The following ADCY8 variants were observed in gnomAD, a reference collection of about 807,000 sequenced individuals.
ADCY8 encodes the protein adenylate cyclase 8, also known as adenylate cyclase type 8.
ADCY8 carries 51 observed loss-of-function variants against 119.7 expected under a neutral mutation model. The observed-to-expected ratio is 0.43, with a 90% CI of 0.34 to 0.54. ADCY8 has a LOEUF of 0.54. Ranked by LOEUF, ADCY8 falls within the 20% of genes least tolerant of loss-of-function variation. The pLI, the probability that ADCY8 is intolerant of heterozygous loss-of-function variation, is 0.03. For missense variants in ADCY8, 1,383 were observed against 1,598.8 expected (o/e 0.87, Z 2.30); for synonymous variants, 665 against 651.0 (o/e 1.02, Z -0.33).
At chr8:130,836,568 G>T in intron 11 of ADCY8, 119 bp from the exon 12 acceptor site, 2 of 1,091,034 alleles carry the variant, frequency 1.8e-6, no homozygotes, top group Non-Finnish European at 2.6e-6. Flanking sequence ...AGGTCTCAAG[G>T]CCTCCTGAAA....
intron 8 of ADCY8, among the ~76,000 whole-genome samples, chr8:130,882,802 CAGT>C (rs759268147): frequency 2.0e-5 from 3 of 152,066 alleles, no homozygotes; most frequent in Non-Finnish European, 4.4e-5. Context: ...CTCTGCTCAG[CAGT>C]AACACAGTCC....
chr8:130,981,049 A>C (rs911019319), intron 2 of ADCY8, among the ~76,000 whole-genome samples: 3 of 152,202 alleles, frequency 2.0e-5, no homozygotes, highest in Non-Finnish European at 2.9e-5. Flanking sequence ...AAATCTGTTC[A>C]TGATAAGCAA....
chr8:130,893,079 T>C (rs946995323), intron 7 of ADCY8, among the ~76,000 whole-genome samples: 1 of 152,188 alleles, frequency 6.6e-6, no homozygotes, highest in Non-Finnish European at 1.5e-5. Flanking sequence ...CACACTTGGG[T>C]CATTTTTATA....
In ADCY8 at chr8:130,943,450, T is replaced by C; in HGVS notation, c.1254A>G (p.Ala418=). The change falls in exon 4 of 18, where the codon GCA becomes GCG. Residue 418 remains alanine, a synonymous_variant. Coordinates refer to ENST00000286355, the MANE Select transcript of ADCY8 (RefSeq NM_001115.3). ...HRYENVSILF[A]DVKGFTNLST... is the part of the protein sequence containing the mutation. ...AGAGGTTGGTAAATCCTTTAACATCTGCAAAAAGAATACTAAACACAGGGA... is the reference window on the plus strand; with the variant it reads ...AGAGGTTGGTAAATCCTTTAACATCCGCAAAAAGAATACTAAACACAGGGA... 7.9e-7 allele frequency: 1 copy of C among 1,259,278 alleles called. No individual in the cohort carries two copies. Among genetic ancestry groups the C allele is most frequent in the Non-Finnish European group, 1.0e-6 (1 of 973,596 alleles). The allele number at this position is 1,259,278 out of a possible 1,614,324, so 78.0% of individuals were successfully genotyped here.
intron 13 of ADCY8, among the ~76,000 whole-genome samples, chr8:130,814,686 G>A (rs1361317540): frequency 1.3e-5 from 2 of 152,190 alleles, no homozygotes; most frequent in African/African-American, 2.4e-5. Flanking sequence ...ATGGCAGCAG[G>A]CAAGTGAGAG....
chr8:130,843,011 C>G (rs942490702), intron 11 of ADCY8, among the ~76,000 whole-genome samples: 1 of 151,990 alleles, frequency 6.6e-6, no homozygotes, highest in Non-Finnish European at 1.5e-5. Context: ...GGGTGCCAGA[C>G]ATTGTGTATT....
intron 1 of ADCY8, among the ~76,000 whole-genome samples, chr8:131,009,880 G>C (rs148712811): frequency 1.3e-5 from 2 of 152,200 alleles, no homozygotes; most frequent in Non-Finnish European, 2.9e-5. Flanking sequence ...AGGTAAAAAA[G>C]TGCCCAGAAT....
intron 8 of ADCY8, among the ~76,000 whole-genome samples, chr8:130,883,778 C>G (rs1818870748): frequency 1.3e-5 from 2 of 152,116 alleles, no homozygotes; most frequent in Admixed American, 1.3e-4. Context: ...GGTCGGCACC[C>G]CATCTGCCCA....
chr8:130,886,467 A>G (rs1190856487), intron 7 of ADCY8, among the ~76,000 whole-genome samples: 1 of 152,132 alleles, frequency 6.6e-6, no homozygotes, highest in Non-Finnish European at 1.5e-5. Context: ...ATTAAATGCT[A>G]TTAGTGCAGC....
intron 2 of ADCY8, among the ~76,000 whole-genome samples, chr8:130,961,423 C>CTTCATAAATCTA (rs1343858113): frequency 5.9e-5 from 9 of 151,886 alleles, no homozygotes; most frequent in African/African-American, 2.2e-4. Flanking sequence ...CTTCATAAAT[C>CTTCATAAATCTA]TTCATAAATC....
At chr8:131,034,691 G>C (rs67576008) in intron 1 of ADCY8, among the ~76,000 whole-genome samples, 6 of 152,008 alleles carry the variant, frequency 3.9e-5, no homozygotes, top group Admixed American at 3.9e-4. Context: ...TGATTGTACA[G>C]TTATCTTGGA....
intron 12 of ADCY8, among the ~76,000 whole-genome samples, chr8:130,825,870 A>G (rs1265302901): frequency 1.3e-5 from 2 of 152,152 alleles, no homozygotes; most frequent in Admixed American, 6.6e-5. Flanking sequence ...TTATTGATCC[A>G]TCAGCATAGT....
Position 131,039,467 on chromosome 8 carries a change from G to A in ADCY8, c.867C>T (p.Leu289=), listed in dbSNP as rs773796313. Residue 289 remains leucine, a synonymous_variant, in exon 1 of 18, where the codon CTC becomes CTT. Transcript: ENST00000286355. Reference sequence around the variant, plus strand: ...CCAGGCCGGCCAGGATGGCCCAGGTGAGCGGCAGCGGCAGCATACTGTAGG... The same window carrying A: ...CCAGGCCGGCCAGGATGGCCCAGGTAAGCGGCAGCGGCAGCATACTGTAGG... ...FATYSMLPLP[L]TWAILAGLGT... The A allele has an allele frequency of 6.2e-7, 1 of 1,614,134 alleles. No homozygotes were observed. Among genetic ancestry groups the A allele is most frequent in the Non-Finnish European group, 8.5e-7 (1 of 1,180,040 alleles).
intron 1 of ADCY8, among the ~76,000 whole-genome samples, chr8:131,037,978 A>T (rs1290033223): frequency 6.6e-6 from 1 of 152,206 alleles, no homozygotes; most frequent in Non-Finnish European, 1.5e-5. Context: ...TCTCCATTTC[A>T]TGCTTGATAA....
intron 5 of ADCY8, among the ~76,000 whole-genome samples, chr8:130,934,267 C>T (rs1428345582): frequency 1.3e-5 from 2 of 152,152 alleles, no homozygotes; most frequent in African/African-American, 4.8e-5. Flanking sequence ...ACAAGTAGTT[C>T]CACGGGCTGT....
At chr8:130,812,113 C>A (rs1318674175) in intron 14 of ADCY8, among the ~76,000 whole-genome samples, 2 of 152,208 alleles carry the variant, frequency 1.3e-5, no homozygotes, top group African/African-American at 4.8e-5. Context: ...TCCTAGGCCT[C>A]ATCACCAGGG....
chr8:130,849,483 C>G, intron 10 of ADCY8, 119 bp downstream of exon 10: 1 of 1,028,778 alleles, frequency 9.7e-7, no homozygotes, highest in Non-Finnish European at 1.5e-6. Flanking sequence ...TGGGGCTGGA[C>G]CAGGCACATA....
At chr8:130,806,853 A>G (rs2130136072) in intron 14 of ADCY8, among the ~76,000 whole-genome samples, 1 of 152,214 alleles carries the variant, frequency 6.6e-6, no homozygotes, top group South Asian at 2.1e-4. Context: ...CCTCAGGAAG[A>G]GCAGAGAGAA....
chr8:131,009,484 G>A (rs1206167433), intron 1 of ADCY8, among the ~76,000 whole-genome samples: 1 of 152,146 alleles, frequency 6.6e-6, no homozygotes, highest in Non-Finnish European at 1.5e-5. Flanking sequence ...TCCCCTGCTG[G>A]CACTCATTCT....
Sources: gnomAD v4.1 joint callset for allele counts (sites outside exome capture counted in the v4.1 genomes callset) on GRCh38, gnomAD v4.1.1 for gene constraint, MANE v1.5 for transcripts, NCBI Gene and HGNC (gene_info 2026-07-23, HGNC 2026-07-21) for gene names.